The following PPP1R9A variants were observed in gnomAD, a reference collection of about 807,000 sequenced individuals.
PPP1R9A encodes protein phosphatase 1 regulatory subunit 9A, also known as neurabin-1.
In PPP1R9A, 59 loss-of-function variants were observed where a neutral mutation model predicts 141.9. That is an observed-to-expected ratio of 0.42 (90% CI 0.34 to 0.52). The LOEUF (loss-of-function observed/expected upper bound fraction) is 0.52, where lower values mean the gene tolerates loss of function less well. PPP1R9A is among the 20% of genes least tolerant of loss of function. PPP1R9A has a pLI of 0.10. For synonymous variants in PPP1R9A, 500 were observed against 569.7 expected, an observed-to-expected ratio of 0.88 and a Z score of 1.74; for missense variants, 1,444 against 1,611.9, an observed-to-expected ratio of 0.90 and a Z score of 1.78.
chr7:95,167,289 A>G (rs893298358), intron 5 of PPP1R9A, among the ~76,000 whole-genome samples: 3 of 152,150 alleles, frequency 2.0e-5, no homozygotes, highest in African/African-American at 7.2e-5. Flanking sequence ...ACCTGTCCCC[A>G]TAATTCAATC....
chr7:95,228,612 C>T (rs1432645086), intron 8 of PPP1R9A, among the ~76,000 whole-genome samples: 5 of 152,100 alleles, frequency 3.3e-5, no homozygotes, highest in Non-Finnish European at 7.4e-5. Context: ...TGAGCTAAGT[C>T]GCATCATTCC....
At chr7:95,102,969 G>A (rs1818986351) in intron 2 of PPP1R9A, among the ~76,000 whole-genome samples, 1 of 152,116 alleles carries the variant, frequency 6.6e-6, no homozygotes, top group African/African-American at 2.4e-5. Flanking sequence ...AAAGCAGTGG[G>A]CTAAAGCAGA....
chr7:95,255,178 C>T (rs1037985396), intron 12 of PPP1R9A, among the ~76,000 whole-genome samples: 2 of 151,902 alleles, frequency 1.3e-5, no homozygotes, highest in East Asian at 3.9e-4. Context: ...CTAAATAATG[C>T]CAGGATTAGG....
At chr7:94,946,558 C>T (rs1211619252) in intron 2 of PPP1R9A, among the ~76,000 whole-genome samples, 2 of 152,028 alleles carry the variant, frequency 1.3e-5, no homozygotes. Flanking sequence ...TTCATTAATA[C>T]TCATTTGCAT....
intron 2 of PPP1R9A, among the ~76,000 whole-genome samples, chr7:95,071,894 T>G (rs890348861): frequency 6.6e-6 from 1 of 151,892 alleles, no homozygotes; most frequent in Non-Finnish European, 1.5e-5. Flanking sequence ...CATATGCTTT[T>G]ATTTTCTAAA....
chr7:95,026,656 G>A (rs571026305), intron 2 of PPP1R9A, among the ~76,000 whole-genome samples: 10 of 152,278 alleles, frequency 6.6e-5, no homozygotes, highest in East Asian at 1.9e-4. Flanking sequence ...AGGCAGGGAC[G>A]TTTAAATCTG....
Position 94,910,274 on chromosome 7 carries a change from G to C in PPP1R9A, c.161G>C (p.Ser54Thr), listed in dbSNP as rs763514927. The C allele has an allele frequency of 4.3e-6, 7 of 1,614,000 alleles. No individual in the cohort carries two copies. ...AAAGAAGGTGAGGGCTCCCAGCAGA[G>C]CAGGGGGAGGAAATATGGCTCCAAT... ...KTKEGEGSQQ[S>T]RGRKYGSNVN... is the part of the protein sequence containing the mutation. The change falls in exon 2 of 20, where the codon AGC becomes ACC. Residue 54 changes from serine to threonine, a missense_variant. Ser to Thr is a moderately conservative substitution (Grantham distance 58, BLOSUM62 1). Coordinates refer to ENST00000433360, the MANE Select transcript of PPP1R9A (RefSeq NM_001166160.2). This position sits in a 1 kb window ranked among gnomAD's most constrained non-coding sequence, Gnocchi z 4.5.
chr7:95,030,909 C>T (rs1163831265), intron 2 of PPP1R9A, among the ~76,000 whole-genome samples: 2 of 152,158 alleles, frequency 1.3e-5, no homozygotes, highest in African/African-American at 4.8e-5. Context: ...CTGGGCCTGC[C>T]CTTTCCTCCT....
At chr7:95,275,808 T>C (rs1432052280) in intron 16 of PPP1R9A, among the ~76,000 whole-genome samples, 1 of 152,146 alleles carries the variant, frequency 6.6e-6, no homozygotes, top group Non-Finnish European at 1.5e-5. Flanking sequence ...TAAAGGAGCA[T>C]TAAAGGAGCA....
At chr7:95,042,902 A>C (rs576390783) in intron 2 of PPP1R9A, among the ~76,000 whole-genome samples, 1 of 144,696 alleles carries the variant, frequency 6.9e-6, no homozygotes, top group African/African-American at 2.5e-5. Flanking sequence ...TGGTACATCT[A>C]AAAGTATATT....
At chr7:95,172,145 A>G (rs1447076362) in intron 5 of PPP1R9A, among the ~76,000 whole-genome samples, 3 of 151,650 alleles carry the variant, frequency 2.0e-5, no homozygotes, top group Non-Finnish European at 3.0e-5. Flanking sequence ...AACTAATAAC[A>G]TTCTTAATGG....
At chr7:95,183,870 CTATTT>C (rs1834245264) in intron 5 of PPP1R9A, among the ~76,000 whole-genome samples, 2 of 150,698 alleles carry the variant, frequency 1.3e-5, no homozygotes, top group South Asian at 4.2e-4. Context: ...TTATTTTATT[CTATTT>C]TATTTTATTT....
At chr7:95,178,147 C>T (rs891401043) in intron 5 of PPP1R9A, among the ~76,000 whole-genome samples, 2 of 152,028 alleles carry the variant, frequency 1.3e-5, no homozygotes, top group South Asian at 4.1e-4. Flanking sequence ...AAATGAGCCT[C>T]AATAAATTTA....
intron 2 of PPP1R9A, among the ~76,000 whole-genome samples, chr7:95,080,167 A>G (rs368067059): frequency 6.6e-6 from 1 of 152,236 alleles, no homozygotes; most frequent in African/African-American, 2.4e-5. Flanking sequence ...TGCAGATGAC[A>G]TGATTGTATA....
intron 7 of PPP1R9A, among the ~76,000 whole-genome samples, chr7:95,208,472 C>T (rs914154010): frequency 6.6e-6 from 1 of 152,144 alleles, no homozygotes; most frequent in Non-Finnish European, 1.5e-5. Flanking sequence ...TGCCTGTAAT[C>T]CCAGGACTTT....
chr7:95,218,127 TAC>T (rs1793785881), intron 7 of PPP1R9A, among the ~76,000 whole-genome samples: 1 of 152,200 alleles, frequency 6.6e-6, no homozygotes, highest in Non-Finnish European at 1.5e-5. Context: ...AATTTCCTTC[TAC>T]ACACTGCAAA....
At chr7:95,263,051 A>T (rs1437616718) in intron 12 of PPP1R9A, among the ~76,000 whole-genome samples, 1 of 152,132 alleles carries the variant, frequency 6.6e-6, no homozygotes, top group African/African-American at 2.4e-5. Context: ...ATCACCACAG[A>T]TGTAATGAAA....
chr7:95,033,195 T>TTA (rs1807935925), intron 2 of PPP1R9A, among the ~76,000 whole-genome samples: 2 of 124,550 alleles, frequency 1.6e-5, no homozygotes, highest in Non-Finnish European at 3.5e-5. Context: ...TTTTTTTTTT[T>TTA]AGTAGAGACG....
intron 2 of PPP1R9A, among the ~76,000 whole-genome samples, chr7:95,023,595 C>T (rs957497171): frequency 1.3e-5 from 2 of 151,838 alleles, no homozygotes; most frequent in African/African-American, 2.4e-5. Context: ...GCTCTGTTGC[C>T]CAGGCTGGAG....
Sources: allele counts gnomAD v4.1 joint callset (sites outside exome capture counted in the v4.1 genomes callset), GRCh38; gene constraint gnomAD v4.1.1; non-coding constraint Gnocchi (gnomAD v3.1); transcripts MANE v1.5; gene names NCBI Gene and HGNC (gene_info 2026-07-23, HGNC 2026-07-21).